Variants in LPP observed in about 807,000 individuals in gnomAD.
LPP encodes the protein LIM domain containing preferred translocation partner in lipoma.
LPP carries 38 observed loss-of-function variants against 60.4 expected under a neutral mutation model. That is an observed-to-expected ratio of 0.63 (90% confidence interval 0.49 to 0.83). The LOEUF is 0.83. Ranked by LOEUF, LPP falls within the 40% of genes least tolerant of loss-of-function variation. LPP has a pLI of 0.00. For missense variants in LPP, 902 were observed against 783.6 expected (o/e 1.15, Z -1.80); for synonymous variants, 328 against 290.8 (o/e 1.13, Z -1.30).
At chr3:188,495,169 TA>T (rs1365789562) in intron 5 of LPP, among the ~76,000 whole-genome samples, 13 of 82,224 alleles carry the variant, frequency 1.6e-4, no homozygotes, top group Middle Eastern at 7.9e-3. Flanking sequence ...TATTTATATA[TA>T]TTTATAAATA....
chr3:188,674,314 T>C (rs1464992742), intron 7 of LPP, among the ~76,000 whole-genome samples: 1 of 152,222 alleles, frequency 6.6e-6, no homozygotes, highest in Non-Finnish European at 1.5e-5. Flanking sequence ...TTCCCAACTT[T>C]GTTTTTGTAA....
intron 8 of LPP, among the ~76,000 whole-genome samples, chr3:188,753,713 G>C (rs2150357496): frequency 6.6e-6 from 1 of 151,874 alleles, no homozygotes; most frequent in South Asian, 2.1e-4. Flanking sequence ...ACTGTTTTGT[G>C]TCTACCACTC....
At chr3:188,509,127 C>T (rs1814439637) in intron 5 of LPP, among the ~76,000 whole-genome samples, 1 of 152,190 alleles carries the variant, frequency 6.6e-6, no homozygotes, top group Non-Finnish European at 1.5e-5. Context: ...AATCTAGCTT[C>T]ACCTGAGACC....
At chr3:188,239,295 G>A (rs1723004591) in intron 2 of LPP, among the ~76,000 whole-genome samples, 1 of 152,118 alleles carries the variant, frequency 6.6e-6, no homozygotes, top group Non-Finnish European at 1.5e-5. Flanking sequence ...ATGCAAATAT[G>A]GCCTTTTTGC....
chr3:188,441,004 A>T (rs1303391104), intron 4 of LPP, among the ~76,000 whole-genome samples: 1 of 138,892 alleles, frequency 7.2e-6, no homozygotes, highest in African/African-American at 2.6e-5. Flanking sequence ...GGATTGATGC[A>T]GTGTACTCTC....
intron 9 of LPP, among the ~76,000 whole-genome samples, chr3:188,782,028 C>T (rs1197912885): frequency 6.6e-6 from 1 of 152,074 alleles, no homozygotes; most frequent in Non-Finnish European, 1.5e-5. Flanking sequence ...CCATATCACA[C>T]ATGAAACACA....
intron 7 of LPP, among the ~76,000 whole-genome samples, chr3:188,702,220 T>C (rs1864603741): frequency 6.6e-6 from 1 of 152,130 alleles, no homozygotes; most frequent in South Asian, 2.1e-4. Flanking sequence ...CCTCCCAAAG[T>C]GCTGGGATTA....
chr3:188,722,926 C>T (rs918959933), intron 8 of LPP, among the ~76,000 whole-genome samples: 10 of 152,100 alleles, frequency 6.6e-5, no homozygotes, highest in South Asian at 2.1e-4. Context: ...AAATTGTTAA[C>T]GTCAGTGTTT....
chr3:188,704,444 A>G (rs946580873), intron 7 of LPP, among the ~76,000 whole-genome samples: 1 of 152,190 alleles, frequency 6.6e-6, no homozygotes, highest in Non-Finnish European at 1.5e-5. Context: ...AAGCTCACCT[A>G]AGGATGCCAA....
At chr3:188,653,682 C>T (rs529654743) in intron 7 of LPP, among the ~76,000 whole-genome samples, 46 of 152,274 alleles carry the variant, frequency 3.0e-4, no homozygotes, top group African/African-American at 9.9e-4. Flanking sequence ...CCCAATGTAA[C>T]CAATCAACAT....
chr3:188,859,385 C>T (rs1764632403), intron 9 of LPP, among the ~76,000 whole-genome samples: 1 of 152,172 alleles, frequency 6.6e-6, no homozygotes. Flanking sequence ...CCTGCTCTCT[C>T]ACCATTCATA....
At chr3:188,397,168 G>A (rs1444205275) in intron 3 of LPP, among the ~76,000 whole-genome samples, 2 of 152,180 alleles carry the variant, frequency 1.3e-5, no homozygotes, top group Non-Finnish European at 2.9e-5. Context: ...TTATAAGCTT[G>A]TGTAATCAAA....
chr3:188,543,512 T>A (rs953382130), intron 6 of LPP, among the ~76,000 whole-genome samples: 11 of 152,164 alleles, frequency 7.2e-5, no homozygotes, highest in African/African-American at 2.7e-4. Flanking sequence ...GCTTCCTTGC[T>A]TAGGTGGTTT....
chr3:188,846,529 C>CTTTATG (rs1761442186), intron 9 of LPP, among the ~76,000 whole-genome samples: 1 of 151,662 alleles, frequency 6.6e-6, no homozygotes, highest in Non-Finnish European at 1.5e-5. Context: ...ACTAAAAATA[C>CTTTATG]AAAAATTAGG....
At chr3:188,163,051 T>G (rs1031361482) in intron 1 of LPP, among the ~76,000 whole-genome samples, 2 of 152,220 alleles carry the variant, frequency 1.3e-5, no homozygotes, top group South Asian at 2.1e-4. Flanking sequence ...GGTTGTGCGC[T>G]GATTTGTCAC....
chr3:188,392,329 A>G (rs1396056765), intron 3 of LPP, among the ~76,000 whole-genome samples: 1 of 152,148 alleles, frequency 6.6e-6, no homozygotes, highest in African/African-American at 2.4e-5. Context: ...AACATCTTGG[A>G]AAGTACTACA....
rs189231279 is a variant in LPP, at chr3:188,200,128, A to T, written c.-189-25277A>T. Among the ~76,000 whole-genome samples the T allele has an allele frequency of 3.0e-4, 46 of 152,182 alleles. 2 individuals are homozygous for T. In the East Asian group the frequency reaches 8.7e-3, roughly 29 times the overall value. ...TAAAGAATGAGTGATCGGTTAATTT[A>T]TCTATTTTTTTTTCCCTCCTGCATC... is the stretch of plus-strand genomic sequence containing the variant. On this transcript the variant is annotated intron_variant, in intron 1 of 11. Coordinates refer to ENST00000617246, the MANE Select transcript of LPP (RefSeq NM_001375462.1).
chr3:188,529,166 T>C (rs2150247537), intron 6 of LPP, among the ~76,000 whole-genome samples: 1 of 152,300 alleles, frequency 6.6e-6, no homozygotes, highest in South Asian at 2.1e-4. Flanking sequence ...TTAACATAAT[T>C]ATAGGCTGTG....
rs927185704 is a variant in LPP at position 188,458,855 on chromosome 3, G to A, written c.194-25737G>A. Among the ~76,000 whole-genome samples, 8 of 151,688 alleles carry A rather than the reference G, an allele frequency of 5.3e-5. No homozygotes were observed. The East Asian group carries it at 1.2e-3, about 22-fold the overall frequency. The stretch of plus-strand genomic sequence containing the variant: ...GCAGTGTGGGTTTTTTTTCGTGGCC[G>A]ATTTCTTTCTTTCCTTCTTTTTTTT... On this transcript the variant is annotated intron_variant, in intron 4 of 11. Transcript: ENST00000617246.
Sources: gnomAD v4.1 joint callset for allele counts (sites outside exome capture counted in the v4.1 genomes callset) on GRCh38, gnomAD v4.1.1 for gene constraint, MANE v1.5 for transcripts, NCBI Gene and HGNC (gene_info 2026-07-23, HGNC 2026-07-21) for gene names.